The following CLYBL variants were observed in gnomAD, a reference collection of about 807,000 sequenced individuals.
CLYBL encodes citramalyl-CoA lyase, mitochondrial.
Under a neutral mutation model 38.9 loss-of-function variants are expected in CLYBL, and 31 were observed. The ratio of observed to expected loss-of-function variants is 0.80; its 90% CI spans 0.60 to 1.08. CLYBL has a LOEUF of 1.08. Ranked by LOEUF, CLYBL falls within the 50% of genes least tolerant of loss-of-function variation. The pLI is 0.00. For synonymous variants in CLYBL, 171 were observed against 158.6 expected, an observed-to-expected ratio of 1.08 and a Z score of -0.59; for missense variants, 434 against 411.6, an observed-to-expected ratio of 1.05 and a Z score of -0.47.
intron 1 of CLYBL, among the ~76,000 whole-genome samples, chr13:99,720,560 C>T (rs552631427): frequency 6.6e-6 from 1 of 152,312 alleles, no homozygotes; most frequent in South Asian, 2.1e-4. Context: ...AAAGGTCTAA[C>T]AATAGTAACT....
Position 99,863,002 on chromosome 13 carries a change from A to G in CLYBL, c.450A>G (p.Lys150=). Residue 150 remains lysine, a synonymous_variant, in exon 4 of 9, where the codon AAA becomes AAG. Coordinates refer to ENST00000339105, the MANE Select transcript of CLYBL (RefSeq NM_206808.5). The part of the protein sequence containing the change: ...SPEEIQWFAD[K]FSFHLKGRKL... ...ACTTCTGATTTTAGTTTGCAGACAA[A>G]TTTTCATTCCACTTAAAAGGCCGAA... The G allele has an allele frequency of 1.9e-6, 3 of 1,607,030 alleles. No individual in the cohort carries two copies. Among genetic ancestry groups the G allele is most frequent in the Non-Finnish European group, 2.6e-6 (3 of 1,175,650 alleles).
In CLYBL at chr13:99,870,821, A is replaced by G. The variant is rs929367436; in HGVS notation, c.803-117A>G. ...TTTTGTTTACTCAATAAAAAGTTTT[A>G]AATTAGTTATTTAACATACAGTCTA... On this transcript the variant is annotated intron_variant, in intron 6 of 8. Coordinates refer to ENST00000339105, the MANE Select transcript of CLYBL (RefSeq NM_206808.5). The G allele has an allele frequency of 3.0e-5, 31 of 1,039,778 alleles. No individual in the cohort carries two copies. In the South Asian group the frequency reaches 5.6e-4, roughly 19 times the overall value. The allele number at this position is 1,039,778 out of a possible 1,614,324, so 64.4% of individuals were successfully genotyped here. A position where few individuals can be genotyped will look rare whatever the true frequency, so the allele number is the denominator to read the frequency against.
At chr13:99,645,184 A>G (rs1015744262) in intron 1 of CLYBL, among the ~76,000 whole-genome samples, 10 of 152,136 alleles carry the variant, frequency 6.6e-5, no homozygotes, top group Admixed American at 1.3e-4. Flanking sequence ...AGCATTTGTT[A>G]TTGCCTATCT....
intron 1 of CLYBL, among the ~76,000 whole-genome samples, chr13:99,733,429 A>G (rs1374834642): frequency 2.0e-5 from 3 of 152,200 alleles, no homozygotes; most frequent in Admixed American, 2.0e-4. Context: ...TTTATTGTCA[A>G]AATTATTGCC....
intron 1 of CLYBL, among the ~76,000 whole-genome samples, chr13:99,623,740 A>G (rs576486027): frequency 5.3e-5 from 8 of 152,172 alleles, no homozygotes; most frequent in Non-Finnish European, 1.0e-4. Flanking sequence ...TGGGCAGATC[A>G]TGAGGTCAGG....
intron 2 of CLYBL, among the ~76,000 whole-genome samples, chr13:99,807,831 GGAAAAA>G (rs1303127861): frequency 6.6e-6 from 1 of 151,878 alleles, no homozygotes; most frequent in East Asian, 1.9e-4. Context: ...TTTTTAAAAA[GGAAAAA>G]GAAAAATAAC....
rs557774573 is a variant in CLYBL at position 99,858,644 on chromosome 13, G to A, written c.250-217G>A. ...CCCATGTGCACTGCGGTGCGTCTCG[G>A]CTATGTTATAGCTATCGCGAATGAA... On this transcript the variant is annotated intron_variant, in intron 2 of 8. Transcript: ENST00000339105. Among the ~76,000 whole-genome samples the A allele has an allele frequency of 1.2e-4, 18 of 152,302 alleles. No individual in the cohort carries two copies. In the South Asian group the frequency reaches 3.7e-3, roughly 32 times the overall value.
At chr13:99,871,287 T>C (rs927462497) in intron 7 of CLYBL, among the ~76,000 whole-genome samples, 11 of 152,242 alleles carry the variant, frequency 7.2e-5, no homozygotes, top group Non-Finnish European at 5.9e-5. Context: ...CTCATTTTAT[T>C]CTTTTCATAA....
intron 1 of CLYBL, among the ~76,000 whole-genome samples, chr13:99,704,860 C>CTT (rs1355939979): frequency 1.3e-5 from 2 of 152,172 alleles, no homozygotes; most frequent in Non-Finnish European, 2.9e-5. Flanking sequence ...TAAGCCTAGT[C>CTT]TTTAATCCTT....
At chr13:99,717,148 T>A (rs2048329312) in intron 1 of CLYBL, among the ~76,000 whole-genome samples, 1 of 151,226 alleles carries the variant, frequency 6.6e-6, no homozygotes, top group Non-Finnish European at 1.5e-5. Flanking sequence ...TTTCTTGGGC[T>A]GGCATGGTGG....
intron 9 of CLYBL, among the ~76,000 whole-genome samples, chr13:99,907,743 C>T (rs1483829580): frequency 6.6e-6 from 1 of 152,108 alleles, no homozygotes; most frequent in East Asian, 1.9e-4. Context: ...CTTGTAGTCC[C>T]AGCTACTCAG....
chr13:99,871,765 A>C (rs577468502), intron 7 of CLYBL, among the ~76,000 whole-genome samples: 1 of 152,302 alleles, frequency 6.6e-6, no homozygotes, highest in East Asian at 1.9e-4. Context: ...TAGTTGCAGC[A>C]TTGTCAGTTA....
At chr13:99,832,571 A>C (rs1413839813) in intron 2 of CLYBL, among the ~76,000 whole-genome samples, 1 of 152,194 alleles carries the variant, frequency 6.6e-6, no homozygotes, top group Non-Finnish European at 1.5e-5. Flanking sequence ...AATTTATGTA[A>C]AAACTGAGAA....
chr13:99,909,064 C>T (rs938035344), exon 10 of CLYBL, among the ~76,000 whole-genome samples: 3 of 152,182 alleles, frequency 2.0e-5, no homozygotes, highest in African/African-American at 7.2e-5. Flanking sequence ...TCCTTTATGT[C>T]AGGTACCTAG....
intron 1 of CLYBL, among the ~76,000 whole-genome samples, chr13:99,680,684 G>A (rs563611484): frequency 6.6e-6 from 1 of 152,314 alleles, no homozygotes; most frequent in South Asian, 2.1e-4. Context: ...GATTCTGAGT[G>A]TATTCCCTGA....
At chr13:99,842,677 G>A (rs2051110525) in intron 2 of CLYBL, among the ~76,000 whole-genome samples, 1 of 151,588 alleles carries the variant, frequency 6.6e-6, no homozygotes, top group Non-Finnish European at 1.5e-5. Context: ...GGTGTGCACA[G>A]GAAATGGGAG....
chr13:99,651,666 T>C (rs2047254941), intron 1 of CLYBL, among the ~76,000 whole-genome samples: 1 of 152,140 alleles, frequency 6.6e-6, no homozygotes, highest in Non-Finnish European at 1.5e-5. Flanking sequence ...GTGCAGTGGC[T>C]CACGCCTGTA....
intron 2 of CLYBL, among the ~76,000 whole-genome samples, chr13:99,820,950 C>T (rs1053940545): frequency 3.3e-5 from 5 of 152,128 alleles, no homozygotes; most frequent in Non-Finnish European, 7.4e-5. Flanking sequence ...AGAAGGAAAA[C>T]ATAAATTGTG....
intron 1 of CLYBL, among the ~76,000 whole-genome samples, chr13:99,769,180 A>G (rs2049331911): frequency 6.6e-6 from 1 of 152,204 alleles, no homozygotes; most frequent in South Asian, 2.1e-4. Context: ...CTCCAGGAAC[A>G]TGGGCACAGC....
Sources: allele counts gnomAD v4.1 joint callset (sites outside exome capture counted in the v4.1 genomes callset), GRCh38; gene constraint gnomAD v4.1.1; transcripts MANE v1.5; gene names NCBI Gene and HGNC (gene_info 2026-07-23, HGNC 2026-07-21).